Variants in RSL24D1 observed in about 807,000 individuals in gnomAD.
RSL24D1 encodes the protein probable ribosome biogenesis protein RLP24.
In RSL24D1, 6 loss-of-function variants were observed where a neutral mutation model predicts 26.2. That is an observed-to-expected ratio of 0.23 (90% CI 0.13 to 0.45). RSL24D1 has a LOEUF of 0.45. RSL24D1 is among the 20% of genes least tolerant of loss of function. The pLI is 0.99. For synonymous variants in RSL24D1, 61 were observed against 59.1 expected (o/e 1.03, Z -0.15); for missense variants, 176 against 202.6 (o/e 0.87, Z 0.80).
chr15:55,183,507 G>C lies in RSL24D1; in HGVS notation c.333-107C>G, dbSNP rs550410456. 3.0e-5 allele frequency: 22 copies of C among 723,742 alleles called. No homozygotes were observed. The South Asian group carries it at 3.9e-4, about 13-fold the overall frequency. 44.8% of individuals were successfully genotyped at this position (723,742 alleles called of 1,614,324 possible). On this transcript the variant is annotated intron_variant, in intron 4 of 5. Coordinates refer to ENST00000260443, the MANE Select transcript of RSL24D1 (RefSeq NM_016304.3). Reference sequence around the variant, plus strand: ...TTTTGTTACTTAAGTTAGCCCCACAGATGGGGAATGGAAACATGATGGCTG... The same window carrying C: ...TTTTGTTACTTAAGTTAGCCCCACACATGGGGAATGGAAACATGATGGCTG...
At chr15:55,182,261 T>A in intron 5 of RSL24D1, 36 bp from the exon 6 acceptor site, 1 of 1,306,722 alleles carries the variant, frequency 7.7e-7, no homozygotes, top group Non-Finnish European at 1.1e-6. Context: ...AACAACTTAA[T>A]TAAATGTGAC....
chr15:55,196,917 A>C lies in RSL24D1; in HGVS notation c.-27T>G. The C allele has an allele frequency of 6.2e-7, 1 of 1,608,778 alleles. No homozygotes were observed. Among genetic ancestry groups the C allele is most frequent in the Non-Finnish European group, 8.5e-7 (1 of 1,175,412 alleles). ...TTGAACCCGCGTGTAACCCCACCAA[A>C]CAAACGCCAAGCTTGAGAGGAAGTG... On this transcript the variant is annotated 5_prime_UTR_variant, in exon 1 of 6. Coordinates refer to ENST00000260443, the MANE Select transcript of RSL24D1 (RefSeq NM_016304.3).
chr15:55,181,318 T>C lies in RSL24D1; in HGVS notation c.*834A>G, dbSNP rs933486104. ...TTTAAAGAATAAATATCAGCATTACTTTTTAAATGGTTTTATTTTATGTAC... is the reference window on the plus strand; with the variant it reads ...TTTAAAGAATAAATATCAGCATTACCTTTTAAATGGTTTTATTTTATGTAC... On this transcript the variant is annotated 3_prime_UTR_variant, in exon 6 of 6. Transcript: ENST00000260443. The C allele has an allele frequency of 8.5e-5, 13 of 152,766 alleles. No individual in the cohort carries two copies. The highest frequency in any genetic ancestry group is 3.4e-3 in the Middle Eastern group (1 of 294). 9.5% of individuals were successfully genotyped at this position (152,766 alleles called of 1,614,324 possible). A position where few individuals can be genotyped will look rare whatever the true frequency, so the allele number is the denominator to read the frequency against.
chr15:55,190,401 AAAC>A (rs1894283477), intron 3 of RSL24D1, among the ~76,000 whole-genome samples: 1 of 149,224 alleles, frequency 6.7e-6, no homozygotes, highest in Non-Finnish European at 1.5e-5. Context: ...AAAAAAAACA[AAAC>A]AAAACAAAAC....
intron 3 of RSL24D1, among the ~76,000 whole-genome samples, chr15:55,188,513 A>C (rs8034063): frequency 0.12 from 18,320 of 152,226 alleles, 1,144 homozygotes; most frequent in South Asian, 0.16. Flanking sequence ...AAATAGGAGT[A>C]CTCAGTAAGT....
At chr15:55,196,566 A>G in intron 1 of RSL24D1, 1 of 590,176 alleles carries the variant, frequency 1.7e-6, no homozygotes, top group African/African-American at 1.9e-5. Context: ...ATCGCTCCTG[A>G]AGTTCCTCGC....
At chr15:55,184,069 T>G (rs1209566060) in intron 4 of RSL24D1, among the ~76,000 whole-genome samples, 3 of 152,186 alleles carry the variant, frequency 2.0e-5, no homozygotes, top group African/African-American at 7.2e-5. Flanking sequence ...AACAGACTAG[T>G]TTTCAAACAT....
intron 3 of RSL24D1, among the ~76,000 whole-genome samples, chr15:55,185,974 G>C (rs1894219832): frequency 6.6e-6 from 1 of 151,996 alleles, no homozygotes; most frequent in African/African-American, 2.4e-5. Flanking sequence ...ATTTCTATCA[G>C]TACTATCCAA....
At chr15:55,190,889 T>C in intron 3 of RSL24D1, 86 bp downstream of exon 3, 1 of 860,298 alleles carries the variant, frequency 1.2e-6, no homozygotes, top group Non-Finnish European at 1.8e-6. Flanking sequence ...AAATTCAATA[T>C]TTAAACAACA....
At chr15:55,192,412 G>C in intron 2 of RSL24D1, 1 of 223,886 alleles carries the variant, frequency 4.5e-6, no homozygotes, top group Non-Finnish European at 8.7e-6. Flanking sequence ...CCTGAGCCTT[G>C]ACTGCTGTTC....
intron 5 of RSL24D1, among the ~76,000 whole-genome samples, chr15:55,182,642 C>T (rs1277739622): frequency 1.3e-5 from 2 of 152,076 alleles, no homozygotes; most frequent in Non-Finnish European, 2.9e-5. Context: ...ATTTCTGGTG[C>T]TTTTTGACTA....
At chr15:55,187,184 C>A (rs1255162865) in intron 3 of RSL24D1, among the ~76,000 whole-genome samples, 1 of 152,142 alleles carries the variant, frequency 6.6e-6, no homozygotes, top group Admixed American at 6.5e-5. Flanking sequence ...AGTATTAAAG[C>A]AATGTTTGTA....
chr15:55,183,352 G>C lies in RSL24D1; in HGVS notation c.381C>G (p.Val127=). ...ELQKVQDIKE[V]KQNIHLIRAP... ...CTCGGATAAGATGGATGTTTTGCTT[G>C]ACTTCTTTGATATCCTGAACTTTCT... Residue 127 remains valine (V), a synonymous_variant, in exon 5 of 6, where the codon GTC becomes GTG. Coordinates refer to ENST00000260443, the MANE Select transcript of RSL24D1 (RefSeq NM_016304.3). The C allele has an allele frequency of 6.2e-7, 1 of 1,611,872 alleles. No individual in the cohort carries two copies. The highest frequency in any genetic ancestry group is 1.1e-5 in the South Asian group (1 of 90,990).
At chr15:55,196,178 A>ATCTAT (rs1218308321) in intron 1 of RSL24D1, among the ~76,000 whole-genome samples, 1 of 152,198 alleles carries the variant, frequency 6.6e-6, no homozygotes, top group Non-Finnish European at 1.5e-5. Flanking sequence ...ATCATCATTT[A>ATCTAT]CAATCCAGTC....
rs1378087264 is a variant in RSL24D1 at position 55,196,936 on chromosome 15, G to A, written c.-46C>T. On this transcript the variant is annotated 5_prime_UTR_variant, in exon 1 of 6. Coordinates refer to ENST00000260443, the MANE Select transcript of RSL24D1 (RefSeq NM_016304.3). ...CACCAAACAAACGCCAAGCTTGAGAGGAAGTGATGCAACCCCGTCACCGGA... is the reference window on the plus strand; with the variant it reads ...CACCAAACAAACGCCAAGCTTGAGAAGAAGTGATGCAACCCCGTCACCGGA... 10 of 1,583,164 alleles carry A rather than the reference G, an allele frequency of 6.3e-6. No individual in the cohort carries two copies. In the South Asian group the frequency reaches 8.9e-5, roughly 14 times the overall value.
chr15:55,194,803 TACACACACACAC>T (rs143219738), intron 1 of RSL24D1, among the ~76,000 whole-genome samples: 11 of 147,104 alleles, frequency 7.5e-5, no homozygotes, highest in South Asian at 2.2e-4. Flanking sequence ...CCTCTGTCTC[TACACACACACAC>T]ACACACACAC....
intron 1 of RSL24D1, 126 bp from the exon 2 acceptor site, chr15:55,192,959 T>C (rs1894315423): frequency 3.3e-6 from 2 of 609,994 alleles, no homozygotes; most frequent in Non-Finnish European, 5.9e-6. Flanking sequence ...GTGTAAGATA[T>C]ATCAGATTAA....
chr15:55,189,483 C>T (rs1018744181), intron 3 of RSL24D1, among the ~76,000 whole-genome samples: 1 of 152,158 alleles, frequency 6.6e-6, no homozygotes, highest in African/African-American at 2.4e-5. Context: ...AAGGCAATTC[C>T]AAATCTAAAC....
intron 1 of RSL24D1, among the ~76,000 whole-genome samples, chr15:55,194,689 T>C (rs1034937557): frequency 6.6e-6 from 1 of 151,916 alleles, no homozygotes; most frequent in Non-Finnish European, 1.5e-5. Flanking sequence ...CTTAACCCAT[T>C]TATGCCTAAG....
Sources: allele counts gnomAD v4.1 joint callset (sites outside exome capture counted in the v4.1 genomes callset), GRCh38; gene constraint gnomAD v4.1.1; transcripts MANE v1.5; gene names NCBI Gene and HGNC (gene_info 2026-07-23, HGNC 2026-07-21).